The following CELF2 variants were observed in gnomAD, a reference collection of about 807,000 sequenced individuals.
CELF2 encodes CUGBP Elav-like family member 2, also known as CUG triplet repeat RNA-binding protein 2.
In CELF2, 8 loss-of-function variants were observed where a neutral mutation model predicts 62.6. The ratio of observed to expected loss-of-function variants is 0.13; its 90% confidence interval spans 0.07 to 0.23. CELF2 has a LOEUF of 0.23. CELF2 is among the 10% of genes least tolerant of loss of function. CELF2 has a pLI of 1.00. For missense variants in CELF2, 333 were observed against 671.0 expected (o/e 0.50, Z 5.56); for synonymous variants, 258 against 250.0 (o/e 1.03, Z -0.30).
chr10:10,950,206 C>A (rs765218196), intron 2 of CELF2, among the ~76,000 whole-genome samples: 1 of 152,276 alleles, frequency 6.6e-6, no homozygotes, highest in South Asian at 2.1e-4. Flanking sequence ...AGGGCCTGAA[C>A]CGTGGTTTCT....
At chr10:11,197,016 G>GAAAAGAAAGA (rs775416278) in intron 2 of CELF2, among the ~76,000 whole-genome samples, 1 of 12,164 alleles carries the variant, frequency 8.2e-5, no homozygotes, top group African/African-American at 4.0e-4. Flanking sequence ...AAGAAAGAAA[G>GAAAAGAAAGA]AAAGAAAGAA....
At chr10:10,907,309 C>G (rs1421875483) in intron 1 of CELF2, among the ~76,000 whole-genome samples, 1 of 152,084 alleles carries the variant, frequency 6.6e-6, no homozygotes. Flanking sequence ...GCAGATTTGA[C>G]AGTTAAAATG....
At chr10:10,723,726 C>T in the CELF2 span, among the ~76,000 whole-genome samples, 5 of 151,928 alleles carry the variant, frequency 3.3e-5, no homozygotes, top group Admixed American at 6.6e-5. Flanking sequence ...TCTGGGAGGA[C>T]GAGAAAGGGG....
intron 3 of CELF2, among the ~76,000 whole-genome samples, chr10:11,230,681 A>G (rs1203872107): frequency 6.6e-6 from 1 of 152,242 alleles, no homozygotes; most frequent in African/African-American, 2.4e-5. Context: ...TTTCCCTCCC[A>G]ACCATCCTCT....
rs2078421631 is a variant in CELF2, at chr10:11,255,461, C to T, written c.404-2277C>T. 6.6e-6 allele frequency among the ~76,000 whole-genome samples: 1 copy of T among 152,192 alleles called. No individual in the cohort carries two copies. The highest frequency in any genetic ancestry group is 2.1e-4 in the South Asian group (1 of 4,832). Reference sequence around the variant, plus strand: ...CACTGTGCACCTTGCCTGGTTAGGACCTCTTTGCTCTCCCACCTCCAGTCT... The same window carrying T: ...CACTGTGCACCTTGCCTGGTTAGGATCTCTTTGCTCTCCCACCTCCAGTCT... On this transcript the variant is annotated intron_variant, in intron 4 of 12. Coordinates refer to ENST00000633077, the MANE Select transcript of CELF2 (RefSeq NM_001326342.2). The surrounding 1 kb of genome is among the most constrained non-coding windows in gnomAD (Gnocchi z 5.5).
chr10:10,554,754 G>T, the CELF2 span, among the ~76,000 whole-genome samples: 2 of 152,130 alleles, frequency 1.3e-5, no homozygotes, highest in Non-Finnish European at 2.9e-5. Context: ...AGTTCACTGT[G>T]TTTGCCTGGA....
intron 2 of CELF2, among the ~76,000 whole-genome samples, chr10:11,198,501 G>A (rs781330568): frequency 6.6e-6 from 1 of 152,158 alleles, no homozygotes; most frequent in Non-Finnish European, 1.5e-5. Flanking sequence ...AACTTGTTTA[G>A]ACTACACTTT....
chr10:10,781,055 C>T, the CELF2 span, among the ~76,000 whole-genome samples: 8 of 152,106 alleles, frequency 5.3e-5, no homozygotes, highest in African/African-American at 1.9e-4. Flanking sequence ...AAAGAAAGCA[C>T]GTTGTGAAAA....
At chr10:10,844,892 T>C (rs1009235453) in intron 1 of CELF2, among the ~76,000 whole-genome samples, 2 of 152,264 alleles carry the variant, frequency 1.3e-5, no homozygotes, top group Middle Eastern at 3.4e-3. Flanking sequence ...CACAAGGATC[T>C]CCCTTTGAGA....
the CELF2 span, among the ~76,000 whole-genome samples, chr10:10,473,995 CTCT>C: frequency 6.6e-6 from 1 of 152,038 alleles, no homozygotes. Context: ...TACTTGTGTC[CTCT>C]TCTTATTTTT....
intron 1 of CELF2, among the ~76,000 whole-genome samples, chr10:11,050,719 G>C (rs914941040): frequency 2.0e-5 from 3 of 152,156 alleles, no homozygotes; most frequent in Non-Finnish European, 4.4e-5. Context: ...TCTTCTCTCT[G>C]TCACCAATCC....
intron 1 of CELF2, among the ~76,000 whole-genome samples, chr10:11,027,395 C>CA (rs2059394123): frequency 6.6e-6 from 1 of 152,138 alleles, no homozygotes; most frequent in Admixed American, 6.5e-5. Context: ...CTTGGGAATG[C>CA]ATTTTTACTT....
the CELF2 span, among the ~76,000 whole-genome samples, chr10:10,530,028 C>G: frequency 6.6e-6 from 1 of 152,194 alleles, no homozygotes; most frequent in South Asian, 2.1e-4. Context: ...ATTTTCCCCA[C>G]TCACCATTCC....
In CELF2 at chr10:11,314,386, G is replaced by A; in HGVS notation, c.1096+128G>A. ...GGGGAGAACTAAAACTTGGGATGGA[G>A]GAGCACATGCTTTGATAGGCAAAAG... On this transcript the variant is annotated intron_variant, in intron 10 of 12. Coordinates refer to ENST00000633077, the MANE Select transcript of CELF2 (RefSeq NM_001326342.2). This position sits in a 1 kb window ranked among gnomAD's most constrained non-coding sequence, Gnocchi z 5.3. 1 of 1,261,060 alleles carries A rather than the reference G, an allele frequency of 7.9e-7. No individual in the cohort carries two copies. The highest frequency in any genetic ancestry group is 1.1e-6 in the Non-Finnish European group (1 of 872,812). The allele number at this position is 1,261,060 out of a possible 1,614,324, so 78.1% of individuals were successfully genotyped here.
chr10:10,548,425 T>G, the CELF2 span, among the ~76,000 whole-genome samples: 2 of 152,344 alleles, frequency 1.3e-5, no homozygotes, highest in East Asian at 3.9e-4. Context: ...GATGGATCTT[T>G]AAGCTATTCT....
At chr10:10,547,475 A>C in the CELF2 span, among the ~76,000 whole-genome samples, 1 of 152,206 alleles carries the variant, frequency 6.6e-6, no homozygotes, top group Admixed American at 6.5e-5. Flanking sequence ...AGCAAAGCGC[A>C]CAAAAAGAAT....
intron 1 of CELF2, among the ~76,000 whole-genome samples, chr10:11,161,123 A>G (rs1317158385): frequency 6.6e-6 from 1 of 152,256 alleles, no homozygotes; most frequent in Non-Finnish European, 1.5e-5. Flanking sequence ...AAAATAGGGA[A>G]GTAGGTCAGT....
At chr10:11,176,971 A>AC (rs2071420188) in intron 2 of CELF2, among the ~76,000 whole-genome samples, 1 of 152,070 alleles carries the variant, frequency 6.6e-6, no homozygotes, top group Non-Finnish European at 1.5e-5. Context: ...TCCTGCGCTA[A>AC]CCATTGGCAG....
the CELF2 span, among the ~76,000 whole-genome samples, chr10:10,760,651 G>A: frequency 6.6e-6 from 1 of 152,168 alleles, no homozygotes; most frequent in Non-Finnish European, 1.5e-5. Context: ...CTCCTAAGCA[G>A]GGAACTCGGG....
Sources: allele counts gnomAD v4.1 joint callset (sites outside exome capture counted in the v4.1 genomes callset), GRCh38; gene constraint gnomAD v4.1.1; non-coding constraint Gnocchi (gnomAD v3.1); transcripts MANE v1.5; gene names NCBI Gene and HGNC (gene_info 2026-07-23, HGNC 2026-07-21).